Variants in PKP4 observed in about 807,000 individuals in gnomAD.
The protein encoded by PKP4 is plakophilin-4.
Under a neutral mutation model 145.1 loss-of-function variants are expected in PKP4, and 90 were observed. The ratio of observed to expected loss-of-function variants is 0.62; its 90% CI spans 0.52 to 0.74. PKP4 has a LOEUF of 0.74. Ranked by LOEUF, PKP4 falls within the 30% of genes least tolerant of loss-of-function variation. The probability of loss-of-function intolerance (pLI) is 0.00; values close to 1 mark genes in which losing one functional copy is unlikely to be tolerated. For missense variants in PKP4, 1,340 were observed against 1,482.7 expected (o/e 0.90, Z 1.58); for synonymous variants, 563 against 577.2 (o/e 0.98, Z 0.35).
chr2:158,564,324 C>G (rs2105746665), intron 2 of PKP4, among the ~76,000 whole-genome samples: 1 of 151,954 alleles, frequency 6.6e-6, no homozygotes, highest in South Asian at 2.1e-4. Flanking sequence ...TATAATGGTC[C>G]TTCTGAAGCA....
intron 11 of PKP4, among the ~76,000 whole-genome samples, chr2:158,646,709 C>T (rs1398512576): frequency 2.6e-5 from 4 of 152,106 alleles, no homozygotes; most frequent in African/African-American, 4.8e-5. Context: ...ATGCTCAAGC[C>T]GTCTTTAATT....
At chr2:158,541,305 AT>A (rs1264213459) in intron 2 of PKP4, among the ~76,000 whole-genome samples, 1 of 152,220 alleles carries the variant, frequency 6.6e-6, no homozygotes, top group East Asian at 1.9e-4. Context: ...TTTATATTTT[AT>A]GAATGTATTG....
At chr2:158,658,500 A>G in intron 12 of PKP4, 186 bp downstream of exon 12, 4 of 499,860 alleles carry the variant, frequency 8.0e-6, no homozygotes, top group Non-Finnish European at 1.4e-5. Flanking sequence ...GTGGCCTTAA[A>G]GAAGTTATCT....
In PKP4 at chr2:158,459,387, G is replaced by C. The variant is rs148943291; in HGVS notation, c.-6+2169G>C. On this transcript the variant is annotated intron_variant, in intron 1 of 21. Coordinates refer to ENST00000389759, the MANE Select transcript of PKP4 (RefSeq NM_003628.6). ...AATAAGTCAGTTGTCTGACCAATCA[G>C]CTTTCTTCCAACACCTACTTTGTGT... 5.0e-3 allele frequency among the ~76,000 whole-genome samples: 766 copies of C among 152,212 alleles called. 5 individuals carry two copies. The highest frequency in any genetic ancestry group is 0.018 in the African/African-American group (737 of 41,528).
chr2:158,547,945 T>C (rs2045232335), intron 2 of PKP4, among the ~76,000 whole-genome samples: 1 of 152,254 alleles, frequency 6.6e-6, no homozygotes, highest in Admixed American at 6.5e-5. Context: ...AGTTCAAGTC[T>C]GTGCTGAGGC....
At chr2:158,676,499 G>A (rs1283997976) in intron 19 of PKP4, among the ~76,000 whole-genome samples, 2 of 152,200 alleles carry the variant, frequency 1.3e-5, no homozygotes, top group African/African-American at 2.4e-5. Flanking sequence ...TCCAGCTTGA[G>A]AGTGAGCCCC....
rs144516567 is a variant in PKP4 at position 158,610,245 on chromosome 2, G to A, written c.280+7141G>A. On this transcript the variant is annotated intron_variant, in intron 4 of 21. Transcript: ENST00000389759. ...TGAAACATTTCCGAGGGAATGTTATGTTAGCGCTCCCTTCTGTTTCCATAA... is the reference window on the plus strand; with the variant it reads ...TGAAACATTTCCGAGGGAATGTTATATTAGCGCTCCCTTCTGTTTCCATAA... 3.5e-3 allele frequency among the ~76,000 whole-genome samples: 528 copies of A among 152,198 alleles called. 2 individuals carry two copies. Among genetic ancestry groups the A allele is most frequent in the African/African-American group, 0.012 (511 of 41,528 alleles).
intron 8 of PKP4, 73 bp downstream of exon 8, chr2:158,632,014 G>C: frequency 7.2e-7 from 1 of 1,383,220 alleles, no homozygotes; most frequent in Non-Finnish European, 1.0e-6. Flanking sequence ...TTGAGATTGG[G>C]TTCCCTGTTA....
chr2:158,570,848 T>C (rs958760157), intron 2 of PKP4, among the ~76,000 whole-genome samples: 1 of 152,016 alleles, frequency 6.6e-6, no homozygotes, highest in Non-Finnish European at 1.5e-5. Flanking sequence ...AGAGATAATA[T>C]AGGTCAGAGG....
At chr2:158,533,712 T>C (rs1380798019) in intron 2 of PKP4, among the ~76,000 whole-genome samples, 1 of 152,230 alleles carries the variant, frequency 6.6e-6, no homozygotes, top group Non-Finnish European at 1.5e-5. Context: ...AGGTAGTATA[T>C]AGGATTGTCT....
chr2:158,655,120 A>C (rs1374393279), intron 11 of PKP4, among the ~76,000 whole-genome samples: 2 of 152,234 alleles, frequency 1.3e-5, no homozygotes, highest in African/African-American at 4.8e-5. Context: ...TGTAAAGCAC[A>C]CAATGCCTGG....
chr2:158,612,093 T>C (rs1428699812), intron 4 of PKP4, among the ~76,000 whole-genome samples: 4 of 150,400 alleles, frequency 2.7e-5, no homozygotes, highest in Non-Finnish European at 4.4e-5. Context: ...TCCCATACCA[T>C]GACCAACACA....
chr2:158,660,082 A>T (rs2056408964), intron 12 of PKP4: 1 of 152,656 alleles, frequency 6.6e-6, no homozygotes, highest in Non-Finnish European at 1.5e-5. Context: ...AAAGGGGGGA[A>T]ATAAGGATAC....
chr2:158,630,124 T>C (rs2053219645), intron 7 of PKP4, among the ~76,000 whole-genome samples: 2 of 152,232 alleles, frequency 1.3e-5, no homozygotes, highest in Admixed American at 1.3e-4. Context: ...ATGTTTGTCC[T>C]TTCTCTTATA....
At chr2:158,667,083 G>A (rs1241665611) in intron 16 of PKP4, among the ~76,000 whole-genome samples, 1 of 152,200 alleles carries the variant, frequency 6.6e-6, no homozygotes, top group East Asian at 1.9e-4. Flanking sequence ...GGCGCCAAAG[G>A]CACAACATTT....
chr2:158,481,259 A>G (rs1437464209), intron 1 of PKP4, among the ~76,000 whole-genome samples: 5 of 152,160 alleles, frequency 3.3e-5, no homozygotes, highest in Non-Finnish European at 7.4e-5. Context: ...ATTCCATCAC[A>G]TGGTTATACC....
At chr2:158,632,863 C>T (rs1329089352) in intron 8 of PKP4, among the ~76,000 whole-genome samples, 1 of 152,118 alleles carries the variant, frequency 6.6e-6, no homozygotes, top group Non-Finnish European at 1.5e-5. Context: ...TTCCTTATGT[C>T]TGTAAATTGA....
At chr2:158,537,236 A>G (rs1029244124) in intron 2 of PKP4, among the ~76,000 whole-genome samples, 3 of 152,234 alleles carry the variant, frequency 2.0e-5, no homozygotes, top group Non-Finnish European at 2.9e-5. Flanking sequence ...ATATTGATAA[A>G]GGATTTAAAT....
At chr2:158,529,074 C>G (rs1022509362) in intron 1 of PKP4, among the ~76,000 whole-genome samples, 3 of 152,204 alleles carry the variant, frequency 2.0e-5, no homozygotes, top group Non-Finnish European at 1.5e-5. Flanking sequence ...CATCGAGACT[C>G]TGATTAAAGA....
Sources: gnomAD v4.1 joint callset for allele counts (sites outside exome capture counted in the v4.1 genomes callset) on GRCh38, gnomAD v4.1.1 for gene constraint, MANE v1.5 for transcripts, NCBI Gene and HGNC (gene_info 2026-07-23, HGNC 2026-07-21) for gene names.